The following ELMO1 variants were observed in gnomAD, a reference collection of about 807,000 sequenced individuals.
ELMO1 encodes the protein engulfment and cell motility protein 1.
A neutral mutation model predicts 98.9 loss-of-function variants in ELMO1; 26 were observed. The ratio of observed to expected loss-of-function variants is 0.26; its 90% CI spans 0.19 to 0.36. The LOEUF (loss-of-function observed/expected upper bound fraction) is 0.36, where lower values mean the gene tolerates loss of function less well. ELMO1 is among the 10% of genes least tolerant of loss of function. ELMO1 has a pLI of 1.00. For synonymous variants in ELMO1, 346 were observed against 346.0 expected (o/e 1.00, Z 0.00); for missense variants, 627 against 935.2 (o/e 0.67, Z 4.30).
chr7:37,032,291 G>A (rs1308758586), intron 15 of ELMO1, among the ~76,000 whole-genome samples: 1 of 152,110 alleles, frequency 6.6e-6, no homozygotes, highest in Non-Finnish European at 1.5e-5. Context: ...AAACACAGGG[G>A]GCAGCCTGAG....
At chr7:37,142,819 T>TG (rs1208965282) in intron 13 of ELMO1, among the ~76,000 whole-genome samples, 4 of 152,176 alleles carry the variant, frequency 2.6e-5, no homozygotes, top group Middle Eastern at 3.2e-3. Context: ...GGAAATCTAG[T>TG]GGGAAAAAAT....
At chr7:37,140,551 A>G (rs1034026567) in intron 13 of ELMO1, among the ~76,000 whole-genome samples, 1 of 152,218 alleles carries the variant, frequency 6.6e-6, no homozygotes, top group African/African-American at 2.4e-5. Flanking sequence ...ATTTAACTAA[A>G]AAGCTTCTGC....
Position 36,855,963 on chromosome 7 carries a change from G to A in ELMO1, c.1984-212C>T, listed in dbSNP as rs952171234. 2.0e-5 allele frequency among the ~76,000 whole-genome samples: 3 copies of A among 152,250 alleles called. No individual in the cohort carries two copies. The highest frequency in any genetic ancestry group is 2.9e-5 in the Non-Finnish European group (2 of 68,048). On this transcript the variant is annotated intron_variant, in intron 21 of 21. Coordinates refer to ENST00000310758, the MANE Select transcript of ELMO1 (RefSeq NM_014800.11). This position sits in a 1 kb window ranked among gnomAD's most constrained non-coding sequence, Gnocchi z 4.2. ...GGTGAAGGAACTGAGGTACAGAGAA[G>A]TGACTCAGTATTATGTAGACCGGGT...
chr7:36,914,920 T>C (rs1353598078), intron 16 of ELMO1, among the ~76,000 whole-genome samples: 5 of 152,110 alleles, frequency 3.3e-5, no homozygotes, highest in Non-Finnish European at 7.4e-5. Flanking sequence ...GAAATTCAAA[T>C]TGTGAAATCC....
At chr7:36,919,403 G>A in intron 16 of ELMO1, 1 of 532,358 alleles carries the variant, frequency 1.9e-6, no homozygotes, top group Non-Finnish European at 3.9e-6. Context: ...GCAAGTGATT[G>A]AGGCTCAGAA....
intron 6 of ELMO1, among the ~76,000 whole-genome samples, chr7:37,248,019 C>T (rs1034138495): frequency 6.6e-6 from 1 of 151,184 alleles, no homozygotes; most frequent in Non-Finnish European, 1.5e-5. Context: ...CCGCCTCCTC[C>T]AGCATCCCTG....
At chr7:37,324,786 C>T (rs1035051885) in intron 2 of ELMO1, among the ~76,000 whole-genome samples, 6 of 152,160 alleles carry the variant, frequency 3.9e-5, no homozygotes, top group Admixed American at 3.9e-4. Flanking sequence ...CTATAGTACC[C>T]AGGCTGTTCT....
chr7:37,303,327 G>C (rs967927051), intron 4 of ELMO1, among the ~76,000 whole-genome samples: 3 of 152,042 alleles, frequency 2.0e-5, no homozygotes, highest in African/African-American at 4.8e-5. Context: ...CAACAAAAAG[G>C]CATTCCAAGT....
intron 1 of ELMO1, among the ~76,000 whole-genome samples, chr7:37,439,551 C>T (rs1360202589): frequency 6.6e-6 from 1 of 152,234 alleles, no homozygotes; most frequent in Non-Finnish European, 1.5e-5. Context: ...AGCAAAGTGG[C>T]TGTTGACTGA....
chr7:37,301,849 T>A (rs1798367866), intron 4 of ELMO1, among the ~76,000 whole-genome samples: 1 of 152,220 alleles, frequency 6.6e-6, no homozygotes, highest in Admixed American at 6.5e-5. Context: ...AATAGATCTC[T>A]ATCATTTATC....
chr7:36,974,869 G>A (rs566109963), intron 16 of ELMO1, among the ~76,000 whole-genome samples: 5 of 151,846 alleles, frequency 3.3e-5, no homozygotes, highest in Non-Finnish European at 5.9e-5. Flanking sequence ...CGGGAAGAAT[G>A]AACAACTCCA....
intron 15 of ELMO1, among the ~76,000 whole-genome samples, chr7:37,067,267 G>T (rs1173631835): frequency 6.6e-6 from 1 of 152,136 alleles, no homozygotes; most frequent in Non-Finnish European, 1.5e-5. Context: ...GTGCTAAGGT[G>T]CCCCATCAAT....
At chr7:37,021,583 T>G (rs1358311506) in intron 15 of ELMO1, among the ~76,000 whole-genome samples, 1 of 152,064 alleles carries the variant, frequency 6.6e-6, no homozygotes, top group Non-Finnish European at 1.5e-5. Flanking sequence ...CAGGTTGGCC[T>G]GCATGCAAAT....
chr7:37,092,366 CTTTT>C (rs537388417), intron 15 of ELMO1, among the ~76,000 whole-genome samples: 16 of 68,916 alleles, frequency 2.3e-4, no homozygotes, highest in African/African-American at 5.0e-4. Context: ...TACCCATATT[CTTTT>C]TTTTTTTTTT....
chr7:37,303,545 A>T (rs1583501011), intron 4 of ELMO1, among the ~76,000 whole-genome samples: 1 of 152,192 alleles, frequency 6.6e-6, no homozygotes, highest in Non-Finnish European at 1.5e-5. Flanking sequence ...AAATTATAAG[A>T]ATCACAGAGC....
At chr7:36,886,027 T>A (rs1308975839) in intron 18 of ELMO1, among the ~76,000 whole-genome samples, 2 of 152,126 alleles carry the variant, frequency 1.3e-5, no homozygotes, top group Non-Finnish European at 2.9e-5. Context: ...CCACATTGCC[T>A]GGTTCCAGGG....
At chr7:37,187,490 G>T (rs1791283061) in intron 13 of ELMO1, among the ~76,000 whole-genome samples, 1 of 152,104 alleles carries the variant, frequency 6.6e-6, no homozygotes, top group South Asian at 2.1e-4. Flanking sequence ...TATGAGTTAT[G>T]TTCTCAGTTT....
At chr7:37,422,878 C>T (rs1263974552) in intron 1 of ELMO1, among the ~76,000 whole-genome samples, 1 of 152,226 alleles carries the variant, frequency 6.6e-6, no homozygotes, top group Non-Finnish European at 1.5e-5. Context: ...ACCTAGAGTT[C>T]ATAACAAAAG....
chr7:37,062,899 GGAAAAGA>G (rs1219176219), intron 15 of ELMO1, among the ~76,000 whole-genome samples: 18 of 152,134 alleles, frequency 1.2e-4, no homozygotes, highest in African/African-American at 4.3e-4. Flanking sequence ...CTACTTTCCA[GGAAAAGA>G]AAGGTTTCCT....
Sources: gnomAD v4.1 joint callset for allele counts (sites outside exome capture counted in the v4.1 genomes callset) on GRCh38, gnomAD v4.1.1 for gene constraint, Gnocchi (gnomAD v3.1) non-coding constraint, MANE v1.5 for transcripts, NCBI Gene and HGNC (gene_info 2026-07-23, HGNC 2026-07-21) for gene names.